The following NAV2 variants were observed in gnomAD, a reference collection of about 807,000 sequenced individuals.
The protein encoded by NAV2 is helicase, APC down-regulated 1.
A neutral mutation model predicts 223.2 loss-of-function variants in NAV2; 54 were observed. The ratio of observed to expected loss-of-function variants is 0.24; its 90% CI spans 0.19 to 0.30. NAV2 has a LOEUF of 0.30. Among genes scored for constraint, NAV2 ranks in the 10% least tolerant of loss-of-function variants. The probability of loss-of-function intolerance (pLI) is 1.00; values close to 1 mark genes in which losing one functional copy is unlikely to be tolerated. For synonymous variants in NAV2, 1,279 were observed against 1,239.3 expected (o/e 1.03, Z -0.67); for missense variants, 2,806 against 3,147.5 (o/e 0.89, Z 2.60).
intron 1 of NAV2, among the ~76,000 whole-genome samples, chr11:19,773,398 T>A (rs2055877439): frequency 6.6e-6 from 1 of 152,080 alleles, no homozygotes; most frequent in African/African-American, 2.4e-5. Context: ...GTGGCTACCA[T>A]GAGAGTTCAA....
chr11:19,634,849 G>A (rs1487187218), intron 1 of NAV2, among the ~76,000 whole-genome samples: 1 of 152,208 alleles, frequency 6.6e-6, no homozygotes, highest in African/African-American at 2.4e-5. Flanking sequence ...CAGACTGTTG[G>A]AGGATAATTA....
intron 1 of NAV2, chr11:19,777,940 C>G (rs2056409428): frequency 2.2e-6 from 1 of 455,940 alleles, no homozygotes; most frequent in Non-Finnish European, 4.4e-6. Context: ...CTATTGATCT[C>G]TACTGCGGTT....
At chr11:19,520,596 C>T (rs2043618089) in intron 1 of NAV2, among the ~76,000 whole-genome samples, 1 of 152,224 alleles carries the variant, frequency 6.6e-6, no homozygotes, top group African/African-American at 2.4e-5. Context: ...CCCTTTCCCT[C>T]CTTCCTCCTT....
chr11:19,611,195 C>A (rs2046632382), intron 1 of NAV2, among the ~76,000 whole-genome samples: 1 of 150,958 alleles, frequency 6.6e-6, no homozygotes, highest in South Asian at 2.1e-4. Flanking sequence ...ATGAGAATAG[C>A]ATGGGAAAGA....
chr11:19,473,927 C>A (rs1479310125), intron 1 of NAV2, among the ~76,000 whole-genome samples: 1 of 152,188 alleles, frequency 6.6e-6, no homozygotes, highest in Non-Finnish European at 1.5e-5. Context: ...ACCTCCTTGG[C>A]TGAATTTGAG....
chr11:19,493,582 C>A (rs965115604), intron 1 of NAV2, among the ~76,000 whole-genome samples: 2 of 152,198 alleles, frequency 1.3e-5, no homozygotes, highest in Admixed American at 1.3e-4. Flanking sequence ...GAGGCCAGTT[C>A]TGCAGGGCAT....
At chr11:19,908,178 C>T (rs945690876) in intron 6 of NAV2, among the ~76,000 whole-genome samples, 2 of 152,212 alleles carry the variant, frequency 1.3e-5, no homozygotes, top group Admixed American at 6.5e-5. Flanking sequence ...AATCATCAAA[C>T]GGCTAAGGTA....
At chr11:19,399,068 A>T (rs1439949935) in intron 1 of NAV2, among the ~76,000 whole-genome samples, 1 of 152,182 alleles carries the variant, frequency 6.6e-6, no homozygotes, top group Non-Finnish European at 1.5e-5. Context: ...GCAAAAAGAG[A>T]TGTTGAATCA....
intron 1 of NAV2, among the ~76,000 whole-genome samples, chr11:19,375,345 G>A (rs574915951): frequency 6.6e-6 from 1 of 152,322 alleles, no homozygotes; most frequent in Admixed American, 6.5e-5. Context: ...CCCAGAAGAT[G>A]GCTGGGCACA....
At chr11:19,685,395 C>G (rs903434362) in intron 1 of NAV2, among the ~76,000 whole-genome samples, 2 of 152,120 alleles carry the variant, frequency 1.3e-5, no homozygotes, top group Admixed American at 6.6e-5. Flanking sequence ...GCAGCCCTTA[C>G]TAGAATCAGG....
intron 1 of NAV2, among the ~76,000 whole-genome samples, chr11:19,764,906 T>C (rs2055080337): frequency 6.6e-6 from 1 of 152,170 alleles, no homozygotes; most frequent in African/African-American, 2.4e-5. Context: ...CCTTCACTCC[T>C]TTCTTTCCCT....
In NAV2 at chr11:19,879,952, A is replaced by G. The variant is rs763901867; in HGVS notation, c.595A>G (p.Lys199Glu). The G allele has an allele frequency of 1.9e-6, 3 of 1,613,490 alleles. No homozygotes were observed. Among genetic ancestry groups the G allele is most frequent in the Non-Finnish European group, 2.5e-6 (3 of 1,179,990 alleles). The change falls in exon 5 of 38, where the codon AAG becomes GAG. Residue 199 changes from lysine to glutamate, a missense_variant. Physicochemically the swap from Lys to Glu is moderately conservative, Grantham distance 56. Coordinates refer to ENST00000349880, the MANE Select transcript of NAV2 (RefSeq NM_145117.5). ...CAAGCAGCAGCAGCAGCAGCCCCAGAAGCAGCACCTCTCCTCACCTCTGCC... is the reference window on the plus strand; with the variant it reads ...CAAGCAGCAGCAGCAGCAGCCCCAGGAGCAGCACCTCTCCTCACCTCTGCC... ...RYKQQQQQPQ[K>E]QHLSSPLPPA...
chr11:20,046,809 C>T (rs2057488761), intron 14 of NAV2, among the ~76,000 whole-genome samples: 1 of 152,110 alleles, frequency 6.6e-6, no homozygotes, highest in South Asian at 2.1e-4. Flanking sequence ...ATTATAATAT[C>T]CACTGGACCA....
chr11:19,718,565 C>T (rs566570480), intron 1 of NAV2, among the ~76,000 whole-genome samples: 1 of 152,320 alleles, frequency 6.6e-6, no homozygotes, highest in East Asian at 1.9e-4. Context: ...TGATTAGAAT[C>T]CTTGCTCCAT....
chr11:19,545,398 G>A (rs1234562892), intron 1 of NAV2, among the ~76,000 whole-genome samples: 1 of 152,218 alleles, frequency 6.6e-6, no homozygotes, highest in Non-Finnish European at 1.5e-5. Flanking sequence ...GGCCTCTAAG[G>A]ACGGCTCCCT....
At chr11:19,989,784 G>A (rs370968216) in intron 11 of NAV2, among the ~76,000 whole-genome samples, 8 of 152,120 alleles carry the variant, frequency 5.3e-5, no homozygotes, top group Admixed American at 2.0e-4. Context: ...GTGAGTAAAC[G>A]TGCCCAGGGT....
chr11:19,864,821 C>A (rs904355342), intron 3 of NAV2, among the ~76,000 whole-genome samples: 1 of 152,174 alleles, frequency 6.6e-6, no homozygotes, highest in Non-Finnish European at 1.5e-5. Flanking sequence ...GGAGGTGCAT[C>A]CTGGTCTGCC....
intron 1 of NAV2, chr11:19,777,550 C>G (rs953829016): frequency 2.2e-6 from 1 of 455,336 alleles, no homozygotes; most frequent in Non-Finnish European, 4.4e-6. Context: ...ACCCCCTGGG[C>G]GCTGCTCTAC....
intron 20 of NAV2, among the ~76,000 whole-genome samples, chr11:20,067,526 A>G (rs1202576918): frequency 6.6e-6 from 1 of 151,990 alleles, no homozygotes; most frequent in Admixed American, 6.6e-5. Context: ...TGCCCAGGCT[A>G]GAGTGCAGTG....
Sources: allele counts gnomAD v4.1 joint callset (sites outside exome capture counted in the v4.1 genomes callset), GRCh38; gene constraint gnomAD v4.1.1; transcripts MANE v1.5; gene names NCBI Gene and HGNC (gene_info 2026-07-23, HGNC 2026-07-21).